The following CNTNAP5 variants were observed in gnomAD, a reference collection of about 807,000 sequenced individuals.
The protein encoded by CNTNAP5 is contactin associated protein family member 5.
Under a neutral mutation model 150.2 loss-of-function variants are expected in CNTNAP5, and 72 were observed. The observed-to-expected ratio is 0.48, with a 90% CI of 0.40 to 0.58. The LOEUF is 0.58. Ranked by LOEUF, CNTNAP5 falls within the 20% of genes least tolerant of loss-of-function variation. CNTNAP5 has a pLI of 0.00. For synonymous variants in CNTNAP5, 672 were observed against 619.8 expected, an observed-to-expected ratio of 1.08 and a Z score of -1.25; for missense variants, 1,636 against 1,626.2, an observed-to-expected ratio of 1.01 and a Z score of -0.10.
At chr2:124,751,721 A>G (rs1361918102) in intron 14 of CNTNAP5, among the ~76,000 whole-genome samples, 1 of 152,150 alleles carries the variant, frequency 6.6e-6, no homozygotes, top group Admixed American at 6.5e-5. Context: ...AATTCCCTCA[A>G]GCTTTTGCTC....
At chr2:124,889,864 T>C (rs1166071294) in intron 21 of CNTNAP5, among the ~76,000 whole-genome samples, 1 of 152,102 alleles carries the variant, frequency 6.6e-6, no homozygotes, top group Non-Finnish European at 1.5e-5. Context: ...CACTGTTATA[T>C]GTGCTAGGAT....
chr2:124,751,479 GA>G (rs1470159384), intron 14 of CNTNAP5, among the ~76,000 whole-genome samples: 2 of 152,182 alleles, frequency 1.3e-5, no homozygotes, highest in Non-Finnish European at 2.9e-5. Flanking sequence ...ATATCTTTGT[GA>G]AAATGCATTT....
At chr2:124,459,193 G>A (rs955572009) in intron 6 of CNTNAP5, among the ~76,000 whole-genome samples, 4 of 152,270 alleles carry the variant, frequency 2.6e-5, no homozygotes, top group East Asian at 1.9e-4. Flanking sequence ...CTTTGCTCAC[G>A]GTGCTCCTTG....
chr2:124,548,774 C>T (rs751561844), intron 10 of CNTNAP5, among the ~76,000 whole-genome samples: 18 of 152,144 alleles, frequency 1.2e-4, no homozygotes, highest in African/African-American at 2.7e-4. Flanking sequence ...CCTTATTTAG[C>T]GCCCACAAGG....
intron 7 of CNTNAP5, among the ~76,000 whole-genome samples, chr2:124,495,323 G>T (rs181705357): frequency 6.6e-6 from 1 of 152,104 alleles, no homozygotes; most frequent in Non-Finnish European, 1.5e-5. Context: ...AGTGTCAAAA[G>T]GAGTATTAAT....
At chr2:124,649,721 G>A (rs1265901197) in intron 13 of CNTNAP5, among the ~76,000 whole-genome samples, 3 of 151,998 alleles carry the variant, frequency 2.0e-5, no homozygotes, top group Non-Finnish European at 1.5e-5. Context: ...CTATAGTTTC[G>A]ATTTCACCAC....
At chr2:124,891,489 G>T (rs1052281419) in intron 21 of CNTNAP5, among the ~76,000 whole-genome samples, 2 of 152,022 alleles carry the variant, frequency 1.3e-5, no homozygotes, top group African/African-American at 2.4e-5. Flanking sequence ...TGTCCTTTTT[G>T]ATCTACAATA....
intron 3 of CNTNAP5, among the ~76,000 whole-genome samples, chr2:124,360,257 T>C (rs1342930471): frequency 6.6e-6 from 1 of 151,664 alleles, no homozygotes. Context: ...CTTGACTCTT[T>C]ATCCAATTTG....
At chr2:124,800,967 G>C (rs972628649) in intron 19 of CNTNAP5, among the ~76,000 whole-genome samples, 1 of 152,072 alleles carries the variant, frequency 6.6e-6, no homozygotes, top group Admixed American at 6.6e-5. Context: ...GTTAGCTCAG[G>C]CTAACTCATG....
chr2:124,556,944 T>C (rs1482754652), intron 10 of CNTNAP5, among the ~76,000 whole-genome samples: 1 of 151,498 alleles, frequency 6.6e-6, no homozygotes, highest in Admixed American at 6.6e-5. Context: ...TTTTATCTCA[T>C]GAAAATCTAT....
At chr2:124,087,239 C>T (rs1049080291) in intron 1 of CNTNAP5, among the ~76,000 whole-genome samples, 11 of 151,842 alleles carry the variant, frequency 7.2e-5, no homozygotes, top group African/African-American at 2.4e-4. Context: ...AAAACGAAAG[C>T]TTACTGAATC....
At chr2:124,408,614 G>A (rs1490735649) in intron 3 of CNTNAP5, among the ~76,000 whole-genome samples, 1 of 151,806 alleles carries the variant, frequency 6.6e-6, no homozygotes, top group Admixed American at 6.6e-5. Context: ...GCACCCCCCA[G>A]CAGGGGGGCA....
At chr2:124,349,556 A>G (rs768523961) in intron 3 of CNTNAP5, among the ~76,000 whole-genome samples, 4 of 152,152 alleles carry the variant, frequency 2.6e-5, no homozygotes, top group Non-Finnish European at 5.9e-5. Flanking sequence ...TGAGTCCCGT[A>G]TATAGTAAAA....
chr2:124,585,419 G>A (rs1696506011), intron 11 of CNTNAP5, among the ~76,000 whole-genome samples: 1 of 152,098 alleles, frequency 6.6e-6, no homozygotes, highest in African/African-American at 2.4e-5. Context: ...TCTGTTGAGG[G>A]GCATCAAAGT....
intron 1 of CNTNAP5, among the ~76,000 whole-genome samples, chr2:124,134,007 C>T (rs1683920686): frequency 6.6e-6 from 1 of 152,166 alleles, no homozygotes; most frequent in African/African-American, 2.4e-5. Flanking sequence ...GTAGCCTCCT[C>T]TTTTTCTGTG....
At chr2:124,444,347 C>A (rs996272621) in intron 5 of CNTNAP5, among the ~76,000 whole-genome samples, 1 of 152,142 alleles carries the variant, frequency 6.6e-6, no homozygotes, top group East Asian at 1.9e-4. Context: ...GTAATCCCAG[C>A]ACTTTGGGAA....
At chr2:124,545,618 G>C (rs1169768310) in intron 10 of CNTNAP5, among the ~76,000 whole-genome samples, 2 of 152,060 alleles carry the variant, frequency 1.3e-5, no homozygotes, top group African/African-American at 4.8e-5. Flanking sequence ...TGGTGACTGT[G>C]GTCCTGGGAA....
At position 124,188,614 on chromosome 2, in the gene CNTNAP5, G is replaced by A. The variant is rs542117209; in HGVS notation, c.83-33091G>A. 4.6e-3 allele frequency among the ~76,000 whole-genome samples: 699 copies of A among 151,006 alleles called. 4 individuals carry two copies. The highest frequency in any genetic ancestry group is 0.017 in the African/African-American group (680 of 41,104). On this transcript the variant is annotated intron_variant, in intron 1 of 23. Coordinates refer to ENST00000682447, the MANE Select transcript of CNTNAP5 (RefSeq NM_001367498.1). ...GGCGCCTGTAGTCCCAGCTACTTGG[G>A]AGGCTGAGGCAGGAGAATGGCGTGA...
intron 2 of CNTNAP5, among the ~76,000 whole-genome samples, chr2:124,227,059 C>T (rs2104747479): frequency 6.6e-6 from 1 of 152,256 alleles, no homozygotes; most frequent in Middle Eastern, 3.4e-3. Flanking sequence ...GATTAAGTTT[C>T]CACATGAGTT....
Sources: gnomAD v4.1 joint callset for allele counts (sites outside exome capture counted in the v4.1 genomes callset) on GRCh38, gnomAD v4.1.1 for gene constraint, MANE v1.5 for transcripts, NCBI Gene and HGNC (gene_info 2026-07-23, HGNC 2026-07-21) for gene names.